The following RGN variants were observed in gnomAD, a reference collection of about 807,000 sequenced individuals.
RGN encodes epididymis secretory protein Li 41.
RGN carries 19 observed loss-of-function variants against 20.6 expected under a neutral mutation model. The observed-to-expected ratio is 0.92, with a 90% CI of 0.64 to 1.35. RGN has a LOEUF of 1.35. RGN is among the 40% of genes most tolerant of loss of function. RGN has a pLI of 0.00. For synonymous variants in RGN, 85 were observed against 87.2 expected (o/e 0.97, Z 0.14); for missense variants, 302 against 232.7 (o/e 1.30, Z -1.94).
intron 5 of RGN, among the ~76,000 whole-genome samples, chrX:47,090,265 A>G (rs1487989244): frequency 9.0e-6 from 1 of 111,366 alleles, no homozygotes; most frequent in Non-Finnish European, 1.9e-5. Flanking sequence ...AAATATGGGT[A>G]GATTCTCAAT....
chrX:47,081,967 T>C (rs184026100), intron 3 of RGN, among the ~76,000 whole-genome samples: 120 of 111,903 alleles, frequency 1.1e-3, no homozygotes, highest in African/African-American at 3.5e-3. Flanking sequence ...AGACCTTAAT[T>C]TTCAAACAAA....
At chrX:47,091,902 C>T (rs1556388057) in intron 6 of RGN, 93 bp downstream of exon 6, 5 of 1,050,185 alleles carry the variant, frequency 4.8e-6, no homozygotes, top group Non-Finnish European at 6.4e-6. Context: ...TGTAGAGGTG[C>T]GACTTTTTGC....
At chrX:47,085,229 A>G (rs1930531850) in intron 4 of RGN, among the ~76,000 whole-genome samples, 1 of 111,658 alleles carries the variant, frequency 9.0e-6, no homozygotes, top group South Asian at 3.7e-4. Flanking sequence ...AAAAATAAGA[A>G]TAGTACAGGC....
At chrX:47,081,362 C>T (rs782661405) in intron 3 of RGN, 55 bp downstream of exon 3, 64 of 1,057,985 alleles carry the variant, frequency 6.0e-5, no homozygotes, top group African/African-American at 1.5e-4. Flanking sequence ...AGGGGAGGGG[C>T]GGTCACCACG....
At chrX:47,088,932 A>G (rs1556385383) in intron 4 of RGN, among the ~76,000 whole-genome samples, 1 of 52,873 alleles carries the variant, frequency 1.9e-5, no homozygotes, top group African/African-American at 6.4e-5. Flanking sequence ...ACACTCTGCC[A>G]AAAAAAAAAA....
rs1255375166 is a variant in RGN at position 47,081,412 on chromosome X, G to A, written c.163+105G>A. Reference sequence around the variant, plus strand: ...AAAGCACACTGACTACACTTGTCACGCTGTCTGTCCCCACTCCATATCCTC... The same window carrying A: ...AAAGCACACTGACTACACTTGTCACACTGTCTGTCCCCACTCCATATCCTC... On this transcript the variant is annotated intron_variant, in intron 3 of 7. Coordinates refer to ENST00000397180, the MANE Select transcript of RGN (RefSeq NM_152869.4). 3.3e-5 allele frequency: 23 copies of A among 707,464 alleles called. No homozygotes were observed. In the African/African-American group the frequency reaches 3.7e-4, roughly 11 times the overall value. The allele number at this position is 707,464 out of a possible 1,213,427, so 58.3% of individuals were successfully genotyped here.
intron 4 of RGN, chrX:47,087,547 G>C (rs1930649842): frequency 9.0e-6 from 1 of 110,852 alleles, no homozygotes; most frequent in African/African-American, 3.3e-5. Context: ...TGGAACGATA[G>C]AGAGAAGATT....
intron 2 of RGN, 57 bp from the exon 3 acceptor site, chrX:47,081,073 T>C: frequency 1.1e-6 from 1 of 879,282 alleles, no homozygotes; most frequent in South Asian, 2.2e-5. Flanking sequence ...TAGCCAGGTG[T>C]TTTACTGTAT....
At chrX:47,079,713 G>A (rs1930214384) in intron 1 of RGN, among the ~76,000 whole-genome samples, 1 of 111,299 alleles carries the variant, frequency 9.0e-6, no homozygotes, top group Non-Finnish European at 1.9e-5. Context: ...TTACAGGCAT[G>A]AGCCACCATG....
At chrX:47,082,709 G>C (rs782688519) in intron 3 of RGN, among the ~76,000 whole-genome samples, 1 of 111,358 alleles carries the variant, frequency 9.0e-6, no homozygotes, top group South Asian at 3.8e-4. Flanking sequence ...GGGTAGAATG[G>C]GGATGGGGTC....
At chrX:47,089,600 C>CTTT (rs1569540581) in intron 4 of RGN, among the ~76,000 whole-genome samples, 176 bp from the exon 5 acceptor site, 1 of 15,001 alleles carries the variant, frequency 6.7e-5, no homozygotes. Flanking sequence ...TATATATATA[C>CTTT]ACACACACAC....
intron 5 of RGN, 95 bp downstream of exon 5, chrX:47,090,086 G>T: frequency 1.8e-6 from 1 of 564,175 alleles, no homozygotes; most frequent in Non-Finnish European, 2.8e-6. Context: ...ATGTGAAGAA[G>T]TCTTCACTTA....
rs1023104503 is a variant in RGN, at chrX:47,091,934, A to G, written c.694+125A>G. 4.0e-6 allele frequency: 4 copies of G among 987,792 alleles called. No individual in the cohort carries two copies. The African/African-American group carries it at 7.6e-5, about 19-fold the overall frequency. The allele number at this position is 987,792 out of a possible 1,213,427, so 81.4% of individuals were successfully genotyped here. ...TTGCTCAAAATAAATTGTCAGGGAAAGTAGATTAAATATTAAATGCACAGA... is the reference window on the plus strand; with the variant it reads ...TTGCTCAAAATAAATTGTCAGGGAAGGTAGATTAAATATTAAATGCACAGA... On this transcript the variant is annotated intron_variant, in intron 6 of 7. Coordinates refer to ENST00000397180, the MANE Select transcript of RGN (RefSeq NM_152869.4).
Position 47,089,922 on chromosome X carries a change from T to G in RGN, c.493T>G (p.Phe165Val). 8.3e-7 allele frequency: 1 copy of G among 1,209,483 alleles called. No individual in the cohort carries two copies. The highest frequency in any genetic ancestry group is 1.1e-6 in the Non-Finnish European group (1 of 894,146). Residue 165 changes from phenylalanine to valine, a missense_variant, in exon 5 of 8, where the codon TTC becomes GTC. By Grantham distance (50) the Phe-to-Val change is conservative. Coordinates refer to ENST00000397180, the MANE Select transcript of RGN (RefSeq NM_152869.4). ...GLDWSLDHKI[F>V]YYIDSLSYSV... Reference sequence around the variant, plus strand: ...GGATTGGTCGCTAGACCACAAAATCTTCTATTACATTGACAGCCTGTCCTA... The same window carrying G: ...GGATTGGTCGCTAGACCACAAAATCGTCTATTACATTGACAGCCTGTCCTA...
intron 3 of RGN, 102 bp from the exon 4 acceptor site, chrX:47,084,316 G>C (rs1354301838): frequency 2.9e-6 from 2 of 694,192 alleles, no homozygotes; most frequent in Non-Finnish European, 4.2e-6. Context: ...ATTGTCACGA[G>C]AGCTGGGCTC....
intron 3 of RGN, 35 bp from the exon 4 acceptor site, chrX:47,084,383 G>C (rs1224825347): frequency 8.8e-7 from 1 of 1,139,435 alleles, no homozygotes; most frequent in Non-Finnish European, 1.2e-6. Flanking sequence ...CCACTAAACT[G>C]GTACTGTTTT....
intron 1 of RGN, among the ~76,000 whole-genome samples, chrX:47,078,981 A>G (rs1193077247): frequency 2.7e-5 from 2 of 73,592 alleles, no homozygotes; most frequent in Non-Finnish European, 4.7e-5. Flanking sequence ...TTTTTCCGAG[A>G]CAAGGTCTCA....
Position 47,089,826 on chromosome X carries a change from G to T in RGN, c.397G>T (p.Ala133Ser). The T allele has an allele frequency of 8.3e-7, 1 of 1,208,155 alleles. No individual in the cohort carries two copies. The highest frequency in any genetic ancestry group is 2.2e-5 in the Admixed American group (1 of 45,325). ...AGCAGTTCTTGAGCGGCACCAGGGGGCCCTGTACTCCCTCTTTCCTGATCA... is the reference window on the plus strand; with the variant it reads ...AGCAGTTCTTGAGCGGCACCAGGGGTCCCTGTACTCCCTCTTTCCTGATCA... ...APAVLERHQG[A>S]LYSLFPDHHV... Residue 133 changes from alanine to serine, a missense_variant, in exon 5 of 8, where the codon GCC becomes TCC. Ala to Ser is a moderately conservative substitution (Grantham distance 99). Transcript: ENST00000397180.
chrX:47,081,696 G>A (rs781789966), intron 3 of RGN, among the ~76,000 whole-genome samples: 1 of 110,650 alleles, frequency 9.0e-6, no homozygotes, highest in Admixed American at 9.7e-5. Flanking sequence ...CTACAGGTGC[G>A]TGCCACTATG....
Sources: gnomAD v4.1 joint callset for allele counts (sites outside exome capture counted in the v4.1 genomes callset) on GRCh38, gnomAD v4.1.1 for gene constraint, MANE v1.5 for transcripts, NCBI Gene and HGNC (gene_info 2026-07-23, HGNC 2026-07-21) for gene names.